Variants in AKAP6 observed in about 807,000 individuals in gnomAD.
AKAP6 encodes A-kinase anchor protein 6.
In AKAP6, 58 loss-of-function variants were observed where a neutral mutation model predicts 188.5. That is an observed-to-expected ratio of 0.31 (90% CI 0.25 to 0.38). The LOEUF (loss-of-function observed/expected upper bound fraction) is 0.38. AKAP6 is among the 10% of genes least tolerant of loss of function. The pLI is 1.00. For synonymous variants in AKAP6, 989 were observed against 998.6 expected (o/e 0.99, Z 0.18); for missense variants, 2,710 against 2,740.0 (o/e 0.99, Z 0.24).
chr14:32,700,488 T>C (rs1890577437), intron 9 of AKAP6, among the ~76,000 whole-genome samples: 1 of 152,220 alleles, frequency 6.6e-6, no homozygotes, highest in Non-Finnish European at 1.5e-5. Flanking sequence ...CAATAAAATA[T>C]TAGATTATAG....
At chr14:32,382,559 T>TA (rs1888398582) in intron 1 of AKAP6, among the ~76,000 whole-genome samples, 1 of 152,228 alleles carries the variant, frequency 6.6e-6, no homozygotes, top group Non-Finnish European at 1.5e-5. Flanking sequence ...CATTGGCAGA[T>TA]ACTTCAATTT....
chr14:32,540,177 T>TAC (rs1882877890), intron 3 of AKAP6, among the ~76,000 whole-genome samples: 1 of 138,172 alleles, frequency 7.2e-6, no homozygotes, highest in Non-Finnish European at 1.6e-5. Context: ...TCTATATATA[T>TAC]ATATATATAT....
chr14:32,333,405 G>C (rs1886593622), intron 1 of AKAP6, among the ~76,000 whole-genome samples: 1 of 152,052 alleles, frequency 6.6e-6, no homozygotes, highest in Non-Finnish European at 1.5e-5. Flanking sequence ...GCATTGTCAG[G>C]GAATCTATAG....
At chr14:32,434,057 G>A (rs926637487) in intron 2 of AKAP6, 26 of 464,636 alleles carry the variant, frequency 5.6e-5, no homozygotes, top group Middle Eastern at 5.6e-4. Flanking sequence ...AATGGGGAAA[G>A]GGAGGGGTAT....
At chr14:32,602,629 C>T (rs28582507) in intron 7 of AKAP6, among the ~76,000 whole-genome samples, 8,531 of 152,224 alleles carry the variant, frequency 0.056, 747 homozygotes, top group African/African-American at 0.19. Flanking sequence ...AACAAGAATA[C>T]ACTGAGGGCC....
intron 4 of AKAP6, among the ~76,000 whole-genome samples, chr14:32,548,790 C>G (rs189002705): frequency 1.7e-4 from 26 of 152,328 alleles, no homozygotes; most frequent in African/African-American, 6.3e-4. Flanking sequence ...GTTGTAGTTT[C>G]TCCTTCGCCG....
chr14:32,395,422 C>A (rs927734396), intron 1 of AKAP6, among the ~76,000 whole-genome samples: 1 of 152,232 alleles, frequency 6.6e-6, no homozygotes, highest in South Asian at 2.1e-4. Flanking sequence ...ACATTGCCGT[C>A]TCACTGGGAT....
At chr14:32,779,937 C>CTGT (rs928867143) in intron 12 of AKAP6, among the ~76,000 whole-genome samples, 8 of 151,652 alleles carry the variant, frequency 5.3e-5, no homozygotes, top group Non-Finnish European at 1.2e-4. Flanking sequence ...GGTGTAGCCT[C>CTGT]TGTGGGAAGC....
intron 1 of AKAP6, among the ~76,000 whole-genome samples, chr14:32,364,061 AT>A (rs1262864459): frequency 2.0e-5 from 3 of 152,106 alleles, no homozygotes; most frequent in African/African-American, 7.2e-5. Flanking sequence ...ATCATATCTC[AT>A]CTGAGTGGTA....
In AKAP6 at chr14:32,522,226, A is replaced by T. The variant is rs188474832; in HGVS notation, c.325-13328A>T. Among the ~76,000 whole-genome samples the T allele has an allele frequency of 1.6e-4, 24 of 152,380 alleles. No homozygotes were observed. The East Asian group carries it at 3.3e-3, about 21-fold the overall frequency. ...AGACTTAAATGTTAGACCTAAAACC[A>T]TAAAAACCCTAGAAGAAAACCTAGG... On this transcript the variant is annotated intron_variant, in intron 2 of 13. Transcript: ENST00000280979.
chr14:32,805,001 T>C (rs898217505), intron 12 of AKAP6, among the ~76,000 whole-genome samples: 2 of 152,174 alleles, frequency 1.3e-5, no homozygotes, highest in Non-Finnish European at 2.9e-5. Context: ...ATTCTATTCT[T>C]TTTCAAGGTG....
chr14:32,597,137 G>C (rs1885737918), intron 5 of AKAP6, among the ~76,000 whole-genome samples: 2 of 152,122 alleles, frequency 1.3e-5, no homozygotes, highest in South Asian at 4.1e-4. Flanking sequence ...TCTTGAAGCA[G>C]AGCCAGTTCC....
At chr14:32,392,882 T>C (rs2025262) in intron 1 of AKAP6, among the ~76,000 whole-genome samples, 147,884 of 152,158 alleles carry the variant, frequency 0.97, 71,945 homozygotes, top group East Asian at 1. Context: ...GAATGGAGAT[T>C]TCTTCTTACA....
intron 11 of AKAP6, among the ~76,000 whole-genome samples, chr14:32,755,999 C>T (rs117650042): frequency 0.011 from 1,734 of 152,338 alleles, 16 homozygotes; most frequent in Non-Finnish European, 0.019. Context: ...GAAAACTCTT[C>T]ACCAGTCAAT....
chr14:32,808,373 C>G (rs2034142403), intron 12 of AKAP6, among the ~76,000 whole-genome samples: 1 of 152,174 alleles, frequency 6.6e-6, no homozygotes, highest in East Asian at 1.9e-4. Flanking sequence ...CCTACTCCAC[C>G]TCCTAACCAA....
intron 7 of AKAP6, among the ~76,000 whole-genome samples, chr14:32,651,681 A>G (rs144564410): frequency 1.1e-4 from 17 of 152,250 alleles, no homozygotes; most frequent in Admixed American, 5.9e-4. Flanking sequence ...GAATCTTTAT[A>G]TAAGAATGCT....
At chr14:32,453,827 C>T (rs941887291) in intron 2 of AKAP6, among the ~76,000 whole-genome samples, 2 of 151,482 alleles carry the variant, frequency 1.3e-5, no homozygotes, top group Non-Finnish European at 2.9e-5. Flanking sequence ...CCTCATGATC[C>T]GCCCGCCTCG....
intron 2 of AKAP6, among the ~76,000 whole-genome samples, chr14:32,448,321 T>C (rs1890826715): frequency 6.6e-6 from 1 of 152,244 alleles, no homozygotes; most frequent in African/African-American, 2.4e-5. Context: ...GTTTGTGGCC[T>C]TGATCCCCAA....
At chr14:32,544,149 G>A (rs1883082355) in intron 3 of AKAP6, among the ~76,000 whole-genome samples, 1 of 152,172 alleles carries the variant, frequency 6.6e-6, no homozygotes, top group African/African-American at 2.4e-5. Flanking sequence ...GCAGCCACAT[G>A]GAATCCAGCT....
Sources: allele counts gnomAD v4.1 joint callset (sites outside exome capture counted in the v4.1 genomes callset), GRCh38; gene constraint gnomAD v4.1.1; transcripts MANE v1.5; gene names NCBI Gene and HGNC (gene_info 2026-07-23, HGNC 2026-07-21).